LRBA: variants seen among roughly 807,000 people sequenced by gnomAD.
The protein encoded by LRBA is LPS responsive beige-like anchor protein, also known as lipopolysaccharide-responsive and beige-like anchor protein.
Under a neutral mutation model 330.0 loss-of-function variants are expected in LRBA, and 176 were observed. The observed-to-expected ratio is 0.53, with a 90% CI of 0.47 to 0.60. LRBA has a LOEUF of 0.60. Ranked by LOEUF, LRBA falls within the 20% of genes least tolerant of loss-of-function variation. The pLI, the probability that LRBA is intolerant of heterozygous loss-of-function variation, is 0.00. For missense variants in LRBA, 3,259 were observed against 3,444.8 expected, an observed-to-expected ratio of 0.95 and a Z score of 1.35; for synonymous variants, 1,230 against 1,193.0, an observed-to-expected ratio of 1.03 and a Z score of -0.64.
chr4:150,296,275 G>A (rs903349447), intron 53 of LRBA, among the ~76,000 whole-genome samples: 2 of 152,062 alleles, frequency 1.3e-5, no homozygotes, highest in African/African-American at 4.8e-5. Context: ...CTCACCCAAA[G>A]GAAATAAGGC....
At chr4:150,544,619 C>T (rs1299699633) in intron 40 of LRBA, among the ~76,000 whole-genome samples, 1 of 152,130 alleles carries the variant, frequency 6.6e-6, no homozygotes, top group African/African-American at 2.4e-5. Flanking sequence ...GCAATTTCTA[C>T]AGTATATTGA....
intron 15 of LRBA, among the ~76,000 whole-genome samples, 183 bp from the exon 16 acceptor site, chr4:150,896,639 T>C (rs556995265): frequency 1.2e-4 from 18 of 152,204 alleles, no homozygotes; most frequent in Admixed American, 7.2e-4. Context: ...CCAGAACATG[T>C]AGAGGTCAAT....
chr4:150,271,392 T>C (rs554163900), intron 56 of LRBA, among the ~76,000 whole-genome samples: 1 of 151,686 alleles, frequency 6.6e-6, no homozygotes, highest in East Asian at 1.9e-4. Flanking sequence ...GAAAGGAGGC[T>C]GAAGCCAGGG....
At chr4:150,302,974 C>T (rs1933983357) in intron 52 of LRBA, among the ~76,000 whole-genome samples, 182 bp from the exon 53 acceptor site, 1 of 151,046 alleles carries the variant, frequency 6.6e-6, no homozygotes, top group Middle Eastern at 3.4e-3. Context: ...AACAAAAAAA[C>T]AATTGAAAAT....
chr4:150,375,622 A>ATTTT lies in LRBA; in HGVS notation c.7195-25467_7195-25464dup, dbSNP rs5862917. ...TACAGGTGCGCACCACCACACCTGT[A>ATTTT]TTTTTTTTTTTTTTGAATTTTTAGT... On this transcript the variant is annotated intron_variant, in intron 47 of 56. Coordinates refer to ENST00000651943, the MANE Select transcript of LRBA (RefSeq NM_001364905.1). Among the ~76,000 whole-genome samples, 570 of 143,416 alleles carry ATTTT rather than the reference A, an allele frequency of 4.0e-3. 6 individuals are homozygous for ATTTT. The highest frequency in any genetic ancestry group is 0.039 in the East Asian group (189 of 4,848). The allele number at this position is 143,416 out of a possible 152,430, so 94.1% of individuals were successfully genotyped here.
chr4:150,546,036 C>T (rs1373827578), intron 40 of LRBA, among the ~76,000 whole-genome samples: 1 of 151,982 alleles, frequency 6.6e-6, no homozygotes, highest in Non-Finnish European at 1.5e-5. Context: ...ATGTAAGAAA[C>T]TACTGTAGTT....
intron 30 of LRBA, among the ~76,000 whole-genome samples, chr4:150,823,380 A>G (rs1434234943): frequency 2.0e-5 from 3 of 152,170 alleles, no homozygotes; most frequent in South Asian, 2.1e-4. Flanking sequence ...AACCAGAATT[A>G]TAAGTTTATT....
chr4:150,602,734 T>C (rs1351959142), intron 37 of LRBA, among the ~76,000 whole-genome samples: 3 of 152,202 alleles, frequency 2.0e-5, no homozygotes, highest in Non-Finnish European at 4.4e-5. Flanking sequence ...CAAAAGAGGA[T>C]ACAAAATTGG....
rs542609661 is a variant in LRBA at position 150,654,547 on chromosome 4, A to AT, written c.5921+29003dup. ...TTGTCTCTTCTATCGCCTTAAAGTC[A>AT]TTTTTTTTATTATACTTTAAGTTTT... is the stretch of plus-strand genomic sequence containing the variant. On this transcript the variant is annotated intron_variant, in intron 37 of 56. Transcript: ENST00000651943. Among the ~76,000 whole-genome samples the AT allele has an allele frequency of 5.0e-3, 766 of 151,892 alleles. 3 individuals are homozygous for AT. The highest frequency in any genetic ancestry group is 0.017 in the African/African-American group (713 of 41,426).
At chr4:150,420,290 A>AT (rs1748463499) in intron 46 of LRBA, among the ~76,000 whole-genome samples, 1 of 147,740 alleles carries the variant, frequency 6.8e-6, no homozygotes, top group East Asian at 2.0e-4. Flanking sequence ...GTATATATAT[A>AT]ATACACATTA....
intron 37 of LRBA, among the ~76,000 whole-genome samples, chr4:150,626,652 G>A (rs1045576573): frequency 6.6e-6 from 1 of 151,972 alleles, no homozygotes; most frequent in African/African-American, 2.4e-5. Context: ...AATGGCACTA[G>A]ACTTTAGAAA....
At chr4:150,992,113 C>A (rs1245617844) in intron 2 of LRBA, among the ~76,000 whole-genome samples, 1 of 152,050 alleles carries the variant, frequency 6.6e-6, no homozygotes, top group East Asian at 1.9e-4. Flanking sequence ...GTCAGGAGTT[C>A]GAGACCAGCC....
At chr4:150,336,659 G>A (rs1482635795) in intron 48 of LRBA, among the ~76,000 whole-genome samples, 1 of 152,130 alleles carries the variant, frequency 6.6e-6, no homozygotes, top group Non-Finnish European at 1.5e-5. Context: ...AAAATATGAT[G>A]TAATTATAAT....
chr4:150,356,058 A>G (rs1367101456), intron 47 of LRBA, among the ~76,000 whole-genome samples: 1 of 152,074 alleles, frequency 6.6e-6, no homozygotes, highest in Non-Finnish European at 1.5e-5. Flanking sequence ...TGTAATTTAC[A>G]TTGAAGAAAG....
intron 37 of LRBA, among the ~76,000 whole-genome samples, chr4:150,661,077 TTA>T (rs1491575793): frequency 5.0e-4 from 16 of 31,858 alleles, no homozygotes; most frequent in South Asian, 1.9e-3. Flanking sequence ...AAAAAATAAA[TTA>T]AAAAAAAAAA....
intron 45 of LRBA, 121 bp from the exon 46 acceptor site, chr4:150,435,829 G>T: frequency 1.8e-6 from 1 of 546,308 alleles, no homozygotes; most frequent in Non-Finnish European, 3.1e-6. Flanking sequence ...TATAAACTAG[G>T]TATATAATGA....
At chr4:150,428,897 C>T (rs1055918114) in intron 46 of LRBA, among the ~76,000 whole-genome samples, 8 of 152,100 alleles carry the variant, frequency 5.3e-5, no homozygotes, top group African/African-American at 1.9e-4. Context: ...CTTTTCTGAG[C>T]TTTGTTCATG....
At chr4:150,299,106 T>G (rs1004194597) in intron 53 of LRBA, among the ~76,000 whole-genome samples, 1 of 152,034 alleles carries the variant, frequency 6.6e-6, no homozygotes, top group Non-Finnish European at 1.5e-5. Context: ...AAATGTACAG[T>G]CTGGAGAGCA....
chr4:150,579,886 G>A, intron 40 of LRBA: 1 of 367,582 alleles, frequency 2.7e-6, no homozygotes, highest in Non-Finnish European at 5.5e-6. Flanking sequence ...ACCACCTCGA[G>A]AGTGGGGCGG....
Sources: gnomAD v4.1 joint callset for allele counts (sites outside exome capture counted in the v4.1 genomes callset) on GRCh38, gnomAD v4.1.1 for gene constraint, MANE v1.5 for transcripts, NCBI Gene and HGNC (gene_info 2026-07-23, HGNC 2026-07-21) for gene names.